WNK2: variants seen among roughly 807,000 people sequenced by gnomAD.
WNK2 encodes serine/threonine-protein kinase WNK2.
A neutral mutation model predicts 192.1 loss-of-function variants in WNK2; 67 were observed. That is an observed-to-expected ratio of 0.35 (90% CI 0.29 to 0.43). The LOEUF (loss-of-function observed/expected upper bound fraction) is 0.43. WNK2 is among the 20% of genes least tolerant of loss of function. The pLI is 1.00. For missense variants in WNK2, 2,698 were observed against 3,089.7 expected (o/e 0.87, Z 3.01); for synonymous variants, 1,439 against 1,393.9 (o/e 1.03, Z -0.72).
intron 2 of WNK2, among the ~76,000 whole-genome samples, chr9:93,199,752 A>G (rs1831979827): frequency 6.6e-6 from 1 of 152,076 alleles, no homozygotes; most frequent in African/African-American, 2.4e-5. Context: ...CAAAAAAATT[A>G]GCTGGGCCTG....
Position 93,267,728 on chromosome 9 carries a change from C to T in WNK2, c.3697-18C>T, listed in dbSNP as rs1564130481. The T allele has an allele frequency of 6.4e-7, 1 of 1,558,216 alleles. No homozygotes were observed. Among genetic ancestry groups the T allele is most frequent in the Non-Finnish European group, 8.7e-7 (1 of 1,148,910 alleles). ...TGGCCTTGCAGCTGGTCCTCACTGG[C>T]AGTATGTCCCTTTGCAGGTGGAGCA... On this transcript the variant is annotated intron_variant, in intron 16 of 29. Coordinates refer to ENST00000427277, the MANE Select transcript of WNK2 (RefSeq NM_006648.4).
At chr9:93,219,222 C>T (rs866235830) in intron 2 of WNK2, among the ~76,000 whole-genome samples, 3 of 152,256 alleles carry the variant, frequency 2.0e-5, no homozygotes, top group Middle Eastern at 3.2e-3. Flanking sequence ...GCCGTTTCCC[C>T]TAAATGTGAA....
intron 14 of WNK2, among the ~76,000 whole-genome samples, chr9:93,262,968 C>A (rs1188596351): frequency 6.6e-6 from 1 of 152,154 alleles, no homozygotes; most frequent in Non-Finnish European, 1.5e-5. Context: ...GTTTGCAGTG[C>A]TGAGAATGTT....
At chr9:93,254,477 C>A (rs1288066498) in intron 9 of WNK2, among the ~76,000 whole-genome samples, 1 of 152,230 alleles carries the variant, frequency 6.6e-6, no homozygotes, top group African/African-American at 2.4e-5. Context: ...TGCACCCTTG[C>A]ATGCGGGACC....
At chr9:93,190,440 A>G (rs1830132098) in intron 2 of WNK2, among the ~76,000 whole-genome samples, 1 of 152,240 alleles carries the variant, frequency 6.6e-6, no homozygotes, top group South Asian at 2.1e-4. Context: ...CCAGGCCACC[A>G]TGGGACTCGA....
chr9:93,195,699 C>CAAAAAAAAAAAAAAAAAAAAA (rs59357990), intron 2 of WNK2, among the ~76,000 whole-genome samples: 9 of 41,670 alleles, frequency 2.2e-4, no homozygotes, highest in Admixed American at 3.7e-4. Context: ...GACTTTGTCT[C>CAAAAAAAAAAAAAAAAAAAAA]AAAAAAAAAA....
intron 19 of WNK2, among the ~76,000 whole-genome samples, chr9:93,275,069 A>ACTAT (rs778308262): frequency 2.0e-5 from 3 of 152,114 alleles, no homozygotes; most frequent in Non-Finnish European, 4.4e-5. Flanking sequence ...TTAAAAGGAC[A>ACTAT]GTGTGCCATG....
chr9:93,249,842 AT>A (rs1291790565), intron 8 of WNK2, among the ~76,000 whole-genome samples: 1 of 151,792 alleles, frequency 6.6e-6, no homozygotes, highest in Non-Finnish European at 1.5e-5. Flanking sequence ...ATGGTGTCAA[AT>A]TCAAAAAGGC....
At chr9:93,189,780 C>T (rs918730008) in intron 2 of WNK2, among the ~76,000 whole-genome samples, 4 of 152,354 alleles carry the variant, frequency 2.6e-5, no homozygotes, top group African/African-American at 4.8e-5. Flanking sequence ...TCATGGGCCA[C>T]GCAGCCTTAG....
chr9:93,304,423 G>T (rs970295685), intron 26 of WNK2, among the ~76,000 whole-genome samples: 3 of 152,258 alleles, frequency 2.0e-5, no homozygotes, highest in African/African-American at 7.2e-5. Context: ...CCAACAGCTG[G>T]GATGAGGCTG....
At chr9:93,262,196 G>A (rs1459611166) in intron 13 of WNK2, 89 bp downstream of exon 13, 31 of 1,445,628 alleles carry the variant, frequency 2.1e-5, no homozygotes, top group Non-Finnish European at 2.8e-5. Flanking sequence ...TAGTCCTAGA[G>A]GTCGGGGTTG....
intron 26 of WNK2, among the ~76,000 whole-genome samples, chr9:93,301,715 G>A (rs1015287321): frequency 3.3e-5 from 5 of 152,180 alleles, no homozygotes; most frequent in African/African-American, 1.2e-4. Flanking sequence ...TGTGCGGCTC[G>A]ATCTGGGGCT....
chr9:93,233,655 T>A (rs1247623124), intron 4 of WNK2, among the ~76,000 whole-genome samples: 1 of 148,356 alleles, frequency 6.7e-6, no homozygotes, highest in Non-Finnish European at 1.5e-5. Context: ...TGAGCCAAGA[T>A]TGCACCATTG....
rs530744439 is a variant in WNK2 at position 93,272,177 on chromosome 9, G to A, written c.4033+3431G>A. Among the ~76,000 whole-genome samples the A allele has an allele frequency of 2.4e-4, 37 of 152,292 alleles. 1 individual carries two copies. The South Asian group carries it at 7.1e-3, about 29-fold the overall frequency. ...GACTAGAAGATAACCTGGAACATCC[G>A]GGCTGAAGGAAGAGCAACAGAAGTT... is the stretch of plus-strand genomic sequence containing the variant. On this transcript the variant is annotated intron_variant, in intron 19 of 29. Transcript: ENST00000427277.
chr9:93,263,678 A>G lies in WNK2; in HGVS notation c.3523A>G (p.Thr1175Ala), dbSNP rs1844656994. ...RAARKHHRRS[T>A]RARSRQERAS... Reference sequence around the variant, plus strand: ...AGCCCGAAAACACCACCGCAGGTCCACGCGTGCGCGCTCCCGGCAGGAGAG... The same window carrying G: ...AGCCCGAAAACACCACCGCAGGTCCGCGCGTGCGCGCTCCCGGCAGGAGAG... The change falls in exon 15 of 30, where the codon ACG (threonine) becomes GCG (alanine). Residue 1175 changes from threonine to alanine, a missense_variant. Coordinates refer to ENST00000427277, the MANE Select transcript of WNK2 (RefSeq NM_006648.4). The G allele has an allele frequency of 6.3e-7, 1 of 1,576,718 alleles. No homozygotes were observed. Among genetic ancestry groups the G allele is most frequent in the Non-Finnish European group, 8.6e-7 (1 of 1,166,928 alleles).
intron 23 of WNK2, among the ~76,000 whole-genome samples, chr9:93,295,929 C>A (rs1249921823): frequency 1.4e-5 from 2 of 142,132 alleles, no homozygotes; most frequent in African/African-American, 5.3e-5. Context: ...TCACTTTCCT[C>A]CCCTCTCCAC....
chr9:93,280,558 A>G (rs546244252), intron 19 of WNK2, among the ~76,000 whole-genome samples: 1 of 152,354 alleles, frequency 6.6e-6, no homozygotes, highest in Non-Finnish European at 1.5e-5. Flanking sequence ...AGGAATGTTC[A>G]TAGCAGCGTT....
At chr9:93,235,010 C>T (rs768881015) in intron 5 of WNK2, 45 bp downstream of exon 5, 2 of 1,608,156 alleles carry the variant, frequency 1.2e-6, no homozygotes, top group South Asian at 2.2e-5. Flanking sequence ...GACACAGAGG[C>T]CTTGGGCCGT....
At chr9:93,246,010 G>A (rs763248909) in intron 7 of WNK2, among the ~76,000 whole-genome samples, 1 of 152,180 alleles carries the variant, frequency 6.6e-6, no homozygotes, top group Non-Finnish European at 1.5e-5. Context: ...GAGGAGAAAC[G>A]GAGGGAGAGA....
Sources: allele counts gnomAD v4.1 joint callset (sites outside exome capture counted in the v4.1 genomes callset), GRCh38; gene constraint gnomAD v4.1.1; transcripts MANE v1.5; gene names NCBI Gene and HGNC (gene_info 2026-07-23, HGNC 2026-07-21).